SWT1: variants seen among roughly 807,000 people sequenced by gnomAD.
SWT1 encodes the protein transcriptional protein SWT1.
SWT1 carries 33 observed loss-of-function variants against 107.3 expected under a neutral mutation model. The ratio of observed to expected loss-of-function variants is 0.31; its 90% CI spans 0.23 to 0.41. SWT1 has a LOEUF of 0.41. SWT1 is among the 10% of genes least tolerant of loss of function. SWT1 has a pLI of 1.00. For missense variants in SWT1, 898 were observed against 1,028.9 expected, an observed-to-expected ratio of 0.87 and a Z score of 1.74; for synonymous variants, 345 against 348.3, an observed-to-expected ratio of 0.99 and a Z score of 0.11.
intron 15 of SWT1, among the ~76,000 whole-genome samples, chr1:185,228,415 G>A (rs546231642): frequency 1.7e-4 from 25 of 151,072 alleles, no homozygotes; most frequent in African/African-American, 5.1e-4. Context: ...CCAGCTACTC[G>A]GGAGGCTGAG....
intron 14 of SWT1, among the ~76,000 whole-genome samples, chr1:185,215,063 ATGT>A (rs1314612292): frequency 1.3e-5 from 2 of 152,206 alleles, no homozygotes; most frequent in Non-Finnish European, 2.9e-5. Flanking sequence ...TTACTTGGTA[ATGT>A]TGTTGTCCTT....
intron 16 of SWT1, among the ~76,000 whole-genome samples, chr1:185,241,634 TCTTA>T (rs1379244832): frequency 1.3e-5 from 2 of 152,172 alleles, no homozygotes; most frequent in East Asian, 1.9e-4. Context: ...GCAGAAACTG[TCTTA>T]CTTTTCTGTA....
At chr1:185,236,707 A>G (rs560384218) in intron 16 of SWT1, among the ~76,000 whole-genome samples, 60 of 152,360 alleles carry the variant, frequency 3.9e-4, no homozygotes, top group African/African-American at 1.4e-3. Flanking sequence ...ACAAAAGCCA[A>G]AATAGACCAA....
intron 18 of SWT1, among the ~76,000 whole-genome samples, chr1:185,289,575 C>T (rs891195305): frequency 2.0e-5 from 3 of 152,106 alleles, no homozygotes; most frequent in Admixed American, 1.3e-4. Context: ...CATTGCAGCA[C>T]CATTTACAAT....
intron 16 of SWT1, chr1:185,262,509 G>A (rs1663090908): frequency 6.6e-6 from 1 of 152,214 alleles, no homozygotes; most frequent in Non-Finnish European, 1.5e-5. Flanking sequence ...TGAGGTACAT[G>A]GCTCCCCAAA....
At position 185,165,042 on chromosome 1, in the gene SWT1, C is replaced by T. The variant is rs970152132; in HGVS notation, c.85-1530C>T. 2.0e-5 allele frequency among the ~76,000 whole-genome samples: 3 copies of T among 152,168 alleles called. No homozygotes were observed. In the East Asian group the frequency reaches 5.8e-4, roughly 29 times the overall value. ...TCCTTTCACTTGAACACTTAGAGGT[C>T]ATTGTTGGGTCATTAGTAGGCTTAA... On this transcript the variant is annotated intron_variant, in intron 2 of 18. Coordinates refer to ENST00000367500, the MANE Select transcript of SWT1 (RefSeq NM_017673.7).
intron 1 of SWT1, among the ~76,000 whole-genome samples, chr1:185,159,906 T>C (rs1441513807): frequency 6.6e-6 from 1 of 151,924 alleles, no homozygotes; most frequent in Non-Finnish European, 1.5e-5. Flanking sequence ...GTATTTTTAG[T>C]AGAGATGAGG....
At chr1:185,289,043 A>T (rs563032761) in intron 18 of SWT1, among the ~76,000 whole-genome samples, 2 of 152,244 alleles carry the variant, frequency 1.3e-5, no homozygotes, top group Admixed American at 1.3e-4. Flanking sequence ...CAACTTCCTT[A>T]CCCCTCTCAA....
At chr1:185,174,298 A>C (rs1460862286) in intron 4 of SWT1, 74 bp from the exon 5 acceptor site, 1 of 1,221,544 alleles carries the variant, frequency 8.2e-7, no homozygotes, top group Non-Finnish European at 1.1e-6. Context: ...CAATTCTGTT[A>C]TTCTAACTAA....
intron 16 of SWT1, among the ~76,000 whole-genome samples, chr1:185,253,207 C>G (rs1662187575): frequency 6.7e-6 from 1 of 150,250 alleles, no homozygotes; most frequent in Non-Finnish European, 1.5e-5. Flanking sequence ...AGTTTGAAGT[C>G]AGGTAGCGTG....
chr1:185,261,519 G>A (rs559831638), intron 16 of SWT1, among the ~76,000 whole-genome samples: 11 of 152,226 alleles, frequency 7.2e-5, no homozygotes, highest in African/African-American at 2.6e-4. Flanking sequence ...TGTATAGCCA[G>A]AAGTACACTG....
intron 16 of SWT1, among the ~76,000 whole-genome samples, chr1:185,232,027 A>G (rs1660543985): frequency 6.6e-6 from 1 of 152,210 alleles, no homozygotes; most frequent in African/African-American, 2.4e-5. Context: ...TGAATTTTCA[A>G]AAAATTTTTT....
chr1:185,227,924 TA>T (rs1447338864), intron 15 of SWT1, among the ~76,000 whole-genome samples: 1 of 151,158 alleles, frequency 6.6e-6, no homozygotes, highest in Non-Finnish European at 1.5e-5. Context: ...ACTTTGTCTC[TA>T]CAAAAAAAAT....
chr1:185,196,695 C>T (rs902570925), intron 10 of SWT1, among the ~76,000 whole-genome samples: 2 of 152,024 alleles, frequency 1.3e-5, no homozygotes, highest in African/African-American at 2.4e-5. Context: ...TAAAGAGGTC[C>T]TTCGCATCCC....
intron 4 of SWT1, among the ~76,000 whole-genome samples, chr1:185,172,242 A>G (rs1655137635): frequency 6.6e-6 from 1 of 152,168 alleles, no homozygotes; most frequent in South Asian, 2.1e-4. Context: ...AAATATAATT[A>G]TCACCTCTAG....
intron 1 of SWT1, among the ~76,000 whole-genome samples, chr1:185,160,207 G>C (rs572928447): frequency 2.0e-5 from 3 of 152,182 alleles, no homozygotes; most frequent in African/African-American, 7.2e-5. Context: ...AGTGTGGGTG[G>C]TGAAGAATAT....
In SWT1 at chr1:185,182,009, T is replaced by A. The variant is rs768257841; in HGVS notation, c.1090T>A (p.Leu364Ile). 6.8e-6 allele frequency: 11 copies of A among 1,613,536 alleles called. No individual in the cohort carries two copies. The highest frequency in any genetic ancestry group is 1.3e-5 in the African/African-American group (1 of 74,858). The part of the protein sequence containing the change: ...VGKSVDLPGE[L>I]MSMEIDLEDD... ...AAAAAGTGTGGATTTACCTGGAGAG[T>A]TAATGAGTATGGAAATTGACTTAGA... Residue 364 changes from leucine to isoleucine, a missense_variant, in exon 7 of 19, where the codon TTA becomes ATA. Coordinates refer to ENST00000367500, the MANE Select transcript of SWT1 (RefSeq NM_017673.7).
intron 3 of SWT1, 138 bp downstream of exon 3, chr1:185,166,790 C>T: frequency 1.7e-6 from 1 of 593,516 alleles, no homozygotes; most frequent in Non-Finnish European, 3.0e-6. Context: ...ACTCACCAAA[C>T]CATTTATCAA....
intron 14 of SWT1, among the ~76,000 whole-genome samples, chr1:185,218,214 A>T (rs1335828497): frequency 6.6e-6 from 1 of 152,222 alleles, no homozygotes; most frequent in Non-Finnish European, 1.5e-5. Context: ...ACCTAATCTT[A>T]ATTTATTAAG....
Sources: gnomAD v4.1 joint callset for allele counts (sites outside exome capture counted in the v4.1 genomes callset) on GRCh38, gnomAD v4.1.1 for gene constraint, MANE v1.5 for transcripts, NCBI Gene and HGNC (gene_info 2026-07-23, HGNC 2026-07-21) for gene names.